Variants in ZNF714 observed in about 807,000 individuals in gnomAD.
The protein encoded by ZNF714 is zinc finger protein 714.
ZNF714 carries 32 observed loss-of-function variants against 46.2 expected under a neutral mutation model. The ratio of observed to expected loss-of-function variants is 0.69; its 90% confidence interval spans 0.52 to 0.93. The LOEUF (loss-of-function observed/expected upper bound fraction) is 0.93. ZNF714 is among the 40% of genes least tolerant of loss of function. The pLI, the probability that ZNF714 is intolerant of heterozygous loss-of-function variation, is 0.00. For synonymous variants in ZNF714, 199 were observed against 213.1 expected, an observed-to-expected ratio of 0.93 and a Z score of 0.58; for missense variants, 635 against 646.3, an observed-to-expected ratio of 0.98 and a Z score of 0.19.
intron 4 of ZNF714, among the ~76,000 whole-genome samples, chr19:21,107,046 C>T (rs1271981424): frequency 6.6e-6 from 1 of 152,050 alleles, no homozygotes; most frequent in Non-Finnish European, 1.5e-5. Flanking sequence ...AGGATGGTCT[C>T]GATCCCCTGA....
rs769903905 is a variant in ZNF714 at position 21,118,078 on chromosome 19, A to G, written c.1414A>G (p.Asn472Asp). ...FNRSSNLTKH[N>D]IIHTGEKSYK... Reference sequence around the variant, plus strand: ...CCGATCCTCAAACCTTACTAAACATAACATAATTCATACTGGAGAGAAATC... The same window carrying G: ...CCGATCCTCAAACCTTACTAAACATGACATAATTCATACTGGAGAGAAATC... The change falls in exon 5 of 5, where the codon AAC (asparagine) becomes GAC (aspartate). Residue 472 changes from asparagine to aspartate, a missense_variant. Coordinates refer to ENST00000456283, the MANE Select transcript of ZNF714 (RefSeq NM_182515.4). 1.2e-5 allele frequency: 20 copies of G among 1,613,878 alleles called. No homozygotes were observed. The highest frequency in any genetic ancestry group is 1.6e-5 in the Non-Finnish European group (19 of 1,179,958).
rs1025766888 is a variant in ZNF714 at position 21,123,334 on chromosome 19, A to C, written c.*5002A>C. The stretch of plus-strand genomic sequence containing the variant: ...TTTTAAGAGAGTTAATAGTAAACGA[A>C]TTTAATTTTCTTTTTTTATTTTTAC... On this transcript the variant is annotated 3_prime_UTR_variant, in exon 5 of 5. Coordinates refer to ENST00000456283, the MANE Select transcript of ZNF714 (RefSeq NM_182515.4). 7.2e-5 allele frequency among the ~76,000 whole-genome samples: 11 copies of C among 151,892 alleles called. No individual in the cohort carries two copies. Among genetic ancestry groups the C allele is most frequent in the Non-Finnish European group, 1.5e-4 (10 of 67,958 alleles).
chr19:21,082,646 G>A (rs1282194011), intron 1 of ZNF714, among the ~76,000 whole-genome samples: 1 of 152,128 alleles, frequency 6.6e-6, no homozygotes, highest in Non-Finnish European at 1.5e-5. Context: ...AGGGACCACT[G>A]GAGGGTCCCA....
At position 21,120,580 on chromosome 19, in the gene ZNF714, A is replaced by G. The variant is rs1486452863; in HGVS notation, c.*2248A>G. The G allele has an allele frequency of 6.6e-6, 1 of 152,194 alleles. No individual in the cohort carries two copies. The highest frequency in any genetic ancestry group is 2.4e-5 in the African/African-American group (1 of 41,452). The allele number at this position is 152,194 out of a possible 1,614,324, so 9.4% of individuals were successfully genotyped here. On this transcript the variant is annotated 3_prime_UTR_variant, in exon 5 of 5. Transcript: ENST00000456283. ...ATTGTACTTTTATATAAGATGCAGT[A>G]CATTTTTAAAATTTTAGATTGTGTG... is the stretch of plus-strand genomic sequence containing the variant.
rs1375426255 is a variant in ZNF714 at position 21,123,256 on chromosome 19, C to T, written c.*4924C>T. 2 of 151,496 alleles carry T rather than the reference C, an allele frequency of 1.3e-5. No individual in the cohort carries two copies. The highest frequency in any genetic ancestry group is 2.1e-4 in the South Asian group (1 of 4,764). The allele number at this position is 151,496 out of a possible 1,614,324, so 9.4% of individuals were successfully genotyped here. ...TTTAAAAGAAAAATCTTATTAGATTCTTATACAAAGTGTGGCAAATATAAA... is the reference window on the plus strand; with the variant it reads ...TTTAAAAGAAAAATCTTATTAGATTTTTATACAAAGTGTGGCAAATATAAA... On this transcript the variant is annotated 3_prime_UTR_variant, in exon 5 of 5. Transcript: ENST00000456283.
intron 2 of ZNF714, among the ~76,000 whole-genome samples, chr19:21,088,245 A>C (rs1250736200): frequency 1.3e-5 from 2 of 152,228 alleles, no homozygotes; most frequent in Non-Finnish European, 2.9e-5. Flanking sequence ...GACCATCTAT[A>C]ATATGTTTGG....
rs1057406666 is a variant in ZNF714, at chr19:21,087,407, G to A, written c.-85+3338G>A. On this transcript the variant is annotated intron_variant, in intron 2 of 4. Coordinates refer to ENST00000456283, the MANE Select transcript of ZNF714 (RefSeq NM_182515.4). ...TATTTACAAAAACAGTCCAAAAATA[G>A]TCAAACATGATTTCACATTTGACAT... 1.1e-4 allele frequency among the ~76,000 whole-genome samples: 17 copies of A among 152,056 alleles called. 1 individual carries two copies. In the South Asian group the frequency reaches 3.5e-3, roughly 32 times the overall value.
At chr19:21,115,461 A>T (rs73024655) in intron 4 of ZNF714, among the ~76,000 whole-genome samples, 2 of 151,906 alleles carry the variant, frequency 1.3e-5, no homozygotes, top group African/African-American at 4.8e-5. Flanking sequence ...GGGCATATGA[A>T]GTGCCAATAT....
chr19:21,098,444 T>C, intron 3 of ZNF714, 133 bp downstream of exon 3: 2 of 1,166,698 alleles, frequency 1.7e-6, no homozygotes, highest in East Asian at 2.5e-5. Flanking sequence ...AAAATCTTGA[T>C]GATTTGTCTC....
chr19:21,100,893 T>A (rs960969155), intron 4 of ZNF714, among the ~76,000 whole-genome samples: 2 of 152,030 alleles, frequency 1.3e-5, no homozygotes, highest in Non-Finnish European at 2.9e-5. Context: ...GTAGTTTTAG[T>A]AGAGACAGGG....
intron 2 of ZNF714, among the ~76,000 whole-genome samples, chr19:21,092,026 G>A (rs1350979745): frequency 6.6e-6 from 1 of 152,112 alleles, no homozygotes; most frequent in African/African-American, 2.4e-5. Flanking sequence ...TACAGATTTG[G>A]TGCCAGAAGA....
chr19:21,090,865 G>A, intron 2 of ZNF714: 1 of 131,904 alleles, frequency 7.6e-6, no homozygotes. Context: ...GAATATTTAT[G>A]CCTCTCCTTT....
chr19:21,096,898 G>A (rs1013945368), intron 2 of ZNF714, among the ~76,000 whole-genome samples: 4 of 152,050 alleles, frequency 2.6e-5, no homozygotes, highest in South Asian at 2.1e-4. Flanking sequence ...ACAGAGTCTC[G>A]CTCTGTTGCC....
intron 4 of ZNF714, among the ~76,000 whole-genome samples, chr19:21,101,298 G>A (rs1003852896): frequency 6.6e-6 from 1 of 152,158 alleles, no homozygotes; most frequent in Admixed American, 6.5e-5. Flanking sequence ...TGTCCCTAGG[G>A]TGATGGGATG....
chr19:21,088,424 A>G (rs1303827830), intron 2 of ZNF714, among the ~76,000 whole-genome samples: 1 of 152,168 alleles, frequency 6.6e-6, no homozygotes, highest in African/African-American at 2.4e-5. Flanking sequence ...CTTATTTGGA[A>G]TCTACTGGCT....
At chr19:21,091,555 A>G (rs1180285014) in intron 2 of ZNF714, 2 of 152,074 alleles carry the variant, frequency 1.3e-5, no homozygotes, top group Non-Finnish European at 2.9e-5. Context: ...AAAAGAGAGC[A>G]CCATCTAAGT....
chr19:21,102,888 A>G (rs752065512), intron 4 of ZNF714, among the ~76,000 whole-genome samples: 5 of 152,068 alleles, frequency 3.3e-5, no homozygotes, highest in Non-Finnish European at 7.4e-5. Flanking sequence ...TTCTTATATA[A>G]TTTTAGCCAA....
rs181342426 is a variant in ZNF714, at chr19:21,096,260, T to A, written c.-84-1925T>A. On this transcript the variant is annotated intron_variant, in intron 2 of 4. Transcript: ENST00000456283. The stretch of plus-strand genomic sequence containing the variant: ...GGAGAAAGATGAGTGGACTTTTTGG[T>A]CTTGGTCCTTCTGTCTGTGAGTGTG... 4.4e-4 allele frequency among the ~76,000 whole-genome samples: 67 copies of A among 151,082 alleles called. 1 individual carries two copies. Among genetic ancestry groups the A allele is most frequent in the Non-Finnish European group, 7.1e-4 (48 of 67,808 alleles).
At chr19:21,082,386 G>A in intron 1 of ZNF714, 38 bp downstream of exon 1, 1 of 1,456,396 alleles carries the variant, frequency 6.9e-7, no homozygotes, top group Non-Finnish European at 9.3e-7. Flanking sequence ...GAGAGGGGAA[G>A]GGGCGGGTTG....
Sources: allele counts gnomAD v4.1 joint callset (sites outside exome capture counted in the v4.1 genomes callset), GRCh38; gene constraint gnomAD v4.1.1; transcripts MANE v1.5; gene names NCBI Gene and HGNC (gene_info 2026-07-23, HGNC 2026-07-21).